FBLN5: variants seen among roughly 807,000 people sequenced by gnomAD.
The protein encoded by FBLN5 is fibulin-5.
FBLN5 carries 24 observed loss-of-function variants against 61.6 expected under a neutral mutation model. That is an observed-to-expected ratio of 0.39 (90% CI 0.28 to 0.55). The LOEUF (loss-of-function observed/expected upper bound fraction) is 0.55, where lower values mean the gene tolerates loss of function less well. Ranked by LOEUF, FBLN5 falls within the 20% of genes least tolerant of loss-of-function variation. FBLN5 has a pLI of 0.65. For synonymous variants in FBLN5, 213 were observed against 219.8 expected, an observed-to-expected ratio of 0.97 and a Z score of 0.27; for missense variants, 470 against 594.1, an observed-to-expected ratio of 0.79 and a Z score of 2.17.
chr14:91,871,103 C>T (rs76347065), intron 10 of FBLN5, among the ~76,000 whole-genome samples: 4,818 of 151,336 alleles, frequency 0.032, 177 homozygotes, highest in African/African-American at 0.089. Context: ...CAAACTCCTA[C>T]GACACAGTAA....
At chr14:91,917,556 A>T (rs1891245283) in intron 4 of FBLN5, among the ~76,000 whole-genome samples, 1 of 134,102 alleles carries the variant, frequency 7.5e-6, no homozygotes, top group African/African-American at 2.8e-5. Flanking sequence ...AGCCTGGGTG[A>T]CAGAGTGAGA....
At chr14:91,898,942 C>T (rs146885552) in intron 4 of FBLN5, among the ~76,000 whole-genome samples, 5,358 of 151,870 alleles carry the variant, frequency 0.035, 137 homozygotes, top group Non-Finnish European at 0.055. Context: ...GCTGGGACTA[C>T]AGGTGCCCAC....
intron 5 of FBLN5, among the ~76,000 whole-genome samples, chr14:91,893,740 C>T (rs1890091039): frequency 6.6e-6 from 1 of 152,170 alleles, no homozygotes; most frequent in South Asian, 2.1e-4. Context: ...GTAAAATAAA[C>T]AGAAAGATCA....
intron 4 of FBLN5, among the ~76,000 whole-genome samples, chr14:91,910,988 AT>A (rs34810596): frequency 2.3e-4 from 34 of 147,704 alleles, no homozygotes; most frequent in Admixed American, 2.0e-4. Flanking sequence ...TAGCTTTGTA[AT>A]TTTTTTTTTT....
intron 4 of FBLN5, among the ~76,000 whole-genome samples, chr14:91,914,034 G>C (rs1891074319): frequency 6.6e-6 from 1 of 152,182 alleles, no homozygotes; most frequent in Non-Finnish European, 1.5e-5. Context: ...AATGAGCTAA[G>C]CAACCAGCTT....
chr14:91,945,294 A>G (rs2056167384), intron 1 of FBLN5, among the ~76,000 whole-genome samples: 1 of 152,160 alleles, frequency 6.6e-6, no homozygotes, highest in Admixed American at 6.5e-5. Context: ...TATTCAGTTC[A>G]ACAGCAGTTT....
intron 3 of FBLN5, chr14:91,938,201 A>T (rs2056050746): frequency 6.5e-6 from 1 of 152,830 alleles, no homozygotes; most frequent in Non-Finnish European, 1.5e-5. Context: ...TCATGCCTGT[A>T]ATCCCAGCAC....
intron 4 of FBLN5, among the ~76,000 whole-genome samples, chr14:91,922,571 C>A (rs1003425089): frequency 6.6e-6 from 1 of 152,156 alleles, no homozygotes; most frequent in Non-Finnish European, 1.5e-5. Context: ...CCACCTGGCC[C>A]CCAGCCACTG....
At chr14:91,921,819 C>T (rs1277509610) in intron 4 of FBLN5, among the ~76,000 whole-genome samples, 1 of 152,070 alleles carries the variant, frequency 6.6e-6, no homozygotes, top group East Asian at 1.9e-4. Flanking sequence ...GTGTGAAGGC[C>T]CTGAGGTCCA....
At chr14:91,924,144 G>T (rs943885954) in intron 4 of FBLN5, among the ~76,000 whole-genome samples, 1 of 152,172 alleles carries the variant, frequency 6.6e-6, no homozygotes, top group Non-Finnish European at 1.5e-5. Flanking sequence ...TCATCACCAA[G>T]GTCTGATTGC....
At chr14:91,894,821 A>ACT in intron 5 of FBLN5, 129 bp downstream of exon 5, 2 of 448,484 alleles carry the variant, frequency 4.5e-6, no homozygotes, top group Non-Finnish European at 4.5e-6. Flanking sequence ...ATAGCCTTCC[A>ACT]CCCCTCCCGC....
At chr14:91,876,043 C>G (rs1283535656) in intron 10 of FBLN5, among the ~76,000 whole-genome samples, 1 of 152,202 alleles carries the variant, frequency 6.6e-6, no homozygotes, top group Non-Finnish European at 1.5e-5. Flanking sequence ...AGATAGGGCA[C>G]TAAGTGGATA....
At chr14:91,883,487 C>G (rs1889574084) in intron 7 of FBLN5, among the ~76,000 whole-genome samples, 1 of 152,084 alleles carries the variant, frequency 6.6e-6, no homozygotes, top group African/African-American at 2.4e-5. Flanking sequence ...AAAACATTCC[C>G]TGGCCCTAGA....
At chr14:91,909,477 G>A (rs1052878357) in intron 4 of FBLN5, among the ~76,000 whole-genome samples, 10 of 152,192 alleles carry the variant, frequency 6.6e-5, no homozygotes, top group Admixed American at 5.2e-4. Flanking sequence ...AGTTGCCACT[G>A]TGACAGTATT....
rs1051174870 is a variant in FBLN5 at position 91,899,860 on chromosome 14, A to C, written c.380-4788T>G. Among the ~76,000 whole-genome samples, 27 of 152,244 alleles carry C rather than the reference A, an allele frequency of 1.8e-4. 1 individual carries two copies. Among genetic ancestry groups the C allele is most frequent in the South Asian group, 2.1e-4 (1 of 4,832 alleles). On this transcript the variant is annotated intron_variant, in intron 4 of 10. Transcript: ENST00000342058. ...TTCAAGTACAGAAAAGATCTTACAAAGGCACCAGATGAAGAAACTGGCCTC... is the reference window on the plus strand; with the variant it reads ...TTCAAGTACAGAAAAGATCTTACAACGGCACCAGATGAAGAAACTGGCCTC...
chr14:91,876,449 A>T (rs1889165869), intron 10 of FBLN5, among the ~76,000 whole-genome samples: 1 of 152,252 alleles, frequency 6.6e-6, no homozygotes, highest in African/African-American at 2.4e-5. Context: ...AATCCTTGGA[A>T]CCCGTTCCGT....
chr14:91,878,005 TC>T (rs1566799362), intron 9 of FBLN5: 1 of 484,158 alleles, frequency 2.1e-6, no homozygotes. Context: ...AATATGCCAC[TC>T]CAGCCTGGGC....
At position 91,891,265 on chromosome 14, in the gene FBLN5, C is replaced by T; in HGVS notation, c.575G>A (p.Cys192Tyr). 2 of 1,613,714 alleles carry T rather than the reference C, an allele frequency of 1.2e-6. No individual in the cohort carries two copies. Among genetic ancestry groups the T allele is most frequent in the Non-Finnish European group, 1.7e-6 (2 of 1,179,626 alleles). ...CTCATTGAGGGTAAAACCAGGGTTGCATGTACAAGAATAGGATCCAGGAAC... is the reference window on the plus strand; with the variant it reads ...CTCATTGAGGGTAAAACCAGGGTTGTATGTACAAGAATAGGATCCAGGAAC... The part of the protein sequence containing the change: ...ANVPGSYSCT[C>Y]NPGFTLNEDG... The change falls in exon 6 of 11, where the codon TGC (cysteine) becomes TAC (tyrosine). Residue 192 changes from cysteine (C) to tyrosine (Y), a missense_variant. Coordinates refer to ENST00000342058, the MANE Select transcript of FBLN5 (RefSeq NM_006329.4).
intron 4 of FBLN5, among the ~76,000 whole-genome samples, chr14:91,904,921 A>G (rs906934777): frequency 2.6e-5 from 4 of 152,216 alleles, no homozygotes; most frequent in African/African-American, 9.6e-5. Flanking sequence ...ATGGGAAAGA[A>G]CTTTATTCTC....
Sources: allele counts gnomAD v4.1 joint callset (sites outside exome capture counted in the v4.1 genomes callset), GRCh38; gene constraint gnomAD v4.1.1; transcripts MANE v1.5; gene names NCBI Gene and HGNC (gene_info 2026-07-23, HGNC 2026-07-21).